The following THSD7B variants were observed in gnomAD, a reference collection of about 807,000 sequenced individuals.
The protein encoded by THSD7B is thrombospondin type-1 domain-containing protein 7B.
In THSD7B, 138 loss-of-function variants were observed where a neutral mutation model predicts 213.6. The observed-to-expected ratio is 0.65, with a 90% CI of 0.56 to 0.74. The LOEUF (loss-of-function observed/expected upper bound fraction) is 0.74, where lower values mean the gene tolerates loss of function less well. Ranked by LOEUF, THSD7B falls within the 30% of genes least tolerant of loss-of-function variation. THSD7B has a pLI of 0.00. For missense variants in THSD7B, 1,931 were observed against 1,991.5 expected (o/e 0.97, Z 0.58); for synonymous variants, 742 against 687.0 (o/e 1.08, Z -1.25).
At chr2:137,465,520 T>G (rs1201041620) in intron 15 of THSD7B, among the ~76,000 whole-genome samples, 6 of 152,096 alleles carry the variant, frequency 3.9e-5, no homozygotes, top group Non-Finnish European at 8.8e-5. Flanking sequence ...GACTGAGAAT[T>G]GCTGTCTAAG....
chr2:137,404,456 TATATATATATATATATATAC>T (rs1288985965), intron 12 of THSD7B, among the ~76,000 whole-genome samples: 11 of 107,670 alleles, frequency 1.0e-4, no homozygotes, highest in African/African-American at 3.9e-4. Flanking sequence ...TATATATATA[TATATATATATATATATATAC>T]ACACACACAC....
intron 4 of THSD7B, among the ~76,000 whole-genome samples, chr2:137,113,122 T>C (rs1688380123): frequency 6.6e-6 from 1 of 152,138 alleles, no homozygotes; most frequent in Non-Finnish European, 1.5e-5. Flanking sequence ...AAGTTCTTCT[T>C]TTGGGGAATC....
At chr2:137,130,359 T>C (rs1476816311) in intron 5 of THSD7B, among the ~76,000 whole-genome samples, 1 of 152,120 alleles carries the variant, frequency 6.6e-6, no homozygotes, top group African/African-American at 2.4e-5. Context: ...ATCCTTACTT[T>C]TCCCAAGCCT....
At chr2:137,461,290 G>A (rs1687878975) in intron 15 of THSD7B, among the ~76,000 whole-genome samples, 1 of 152,038 alleles carries the variant, frequency 6.6e-6, no homozygotes, top group Non-Finnish European at 1.5e-5. Context: ...TAAGCAATTG[G>A]CATTTCATCT....
chr2:136,970,507 G>T (rs1685388529), intron 2 of THSD7B, among the ~76,000 whole-genome samples: 1 of 151,840 alleles, frequency 6.6e-6, no homozygotes, highest in South Asian at 2.1e-4. Flanking sequence ...AAAAGAAAAA[G>T]AAGAGTATAA....
chr2:137,372,804 G>C (rs996093659), intron 12 of THSD7B, among the ~76,000 whole-genome samples: 44 of 151,232 alleles, frequency 2.9e-4, no homozygotes, highest in Admixed American at 2.3e-3. Context: ...CCATTAACTC[G>C]TCATTTAGCA....
chr2:137,672,494 A>G (rs59205118), intron 27 of THSD7B, among the ~76,000 whole-genome samples: 17,597 of 152,184 alleles, frequency 0.12, 1,802 homozygotes, highest in East Asian at 0.37. Flanking sequence ...TTTGTTTCAC[A>G]GGTAAAGTAA....
rs138335985 is a variant in THSD7B, at chr2:137,559,967, T to C, written c.3139-3254T>C. Among the ~76,000 whole-genome samples the C allele has an allele frequency of 5.8e-3, 879 of 152,292 alleles. 27 individuals are homozygous for C. Among genetic ancestry groups the C allele is most frequent in the Admixed American group, 0.055 (836 of 15,286 alleles). On this transcript the variant is annotated intron_variant, in intron 15 of 27. Transcript: ENST00000409968. ...CAAGAGACACATCAAAAAATGCTCA[T>C]CATCACTGGCCATCAGAGAAATGCA...
At chr2:136,826,840 T>C (rs1178957842) in intron 1 of THSD7B, among the ~76,000 whole-genome samples, 1 of 152,208 alleles carries the variant, frequency 6.6e-6, no homozygotes, top group Non-Finnish European at 1.5e-5. Flanking sequence ...TGACCAGTGA[T>C]GGAGAAGGAG....
chr2:137,232,183 AT>A (rs961130465), intron 8 of THSD7B, among the ~76,000 whole-genome samples: 65 of 152,306 alleles, frequency 4.3e-4, no homozygotes, highest in African/African-American at 1.5e-3. Flanking sequence ...GATGCTTTAG[AT>A]AAATACCACT....
chr2:137,675,425 T>G (rs1683677264), intron 27 of THSD7B, among the ~76,000 whole-genome samples: 1 of 133,548 alleles, frequency 7.5e-6, no homozygotes, highest in Non-Finnish European at 1.6e-5. Flanking sequence ...TATATATATA[T>G]ATATATATAT....
At chr2:136,933,669 CTA>C (rs1447967505) in intron 2 of THSD7B, among the ~76,000 whole-genome samples, 1 of 138,122 alleles carries the variant, frequency 7.2e-6, no homozygotes, top group African/African-American at 2.5e-5. Context: ...AATTGCATCG[CTA>C]TCTTTTTAAT....
At chr2:137,338,571 T>G (rs1377090271) in intron 12 of THSD7B, among the ~76,000 whole-genome samples, 1 of 152,122 alleles carries the variant, frequency 6.6e-6, no homozygotes, top group Non-Finnish European at 1.5e-5. Flanking sequence ...AAGGACATAT[T>G]CTTTAGTTTA....
At chr2:137,583,925 T>G (rs149082425) in intron 17 of THSD7B, among the ~76,000 whole-genome samples, 33,123 of 152,112 alleles carry the variant, frequency 0.22, 3,780 homozygotes, top group Middle Eastern at 0.32. Context: ...AAATTACCTT[T>G]GGCAGTATGG....
chr2:136,883,874 C>T (rs1683668871), intron 2 of THSD7B, among the ~76,000 whole-genome samples: 1 of 152,224 alleles, frequency 6.6e-6, no homozygotes, highest in South Asian at 2.1e-4. Flanking sequence ...TGTCACTTCT[C>T]CTGGTATTCA....
intron 3 of THSD7B, among the ~76,000 whole-genome samples, chr2:137,059,378 T>G (rs1418850038): frequency 6.6e-6 from 1 of 152,198 alleles, no homozygotes; most frequent in Non-Finnish European, 1.5e-5. Context: ...GATATATTAC[T>G]GTTAATAAAG....
At chr2:137,362,927 A>G (rs1685303425) in intron 12 of THSD7B, among the ~76,000 whole-genome samples, 1 of 152,226 alleles carries the variant, frequency 6.6e-6, no homozygotes, top group African/African-American at 2.4e-5. Context: ...AATCAACAGA[A>G]TACACATTCT....
intron 7 of THSD7B, among the ~76,000 whole-genome samples, chr2:137,222,908 A>T (rs4954485): frequency 6.6e-6 from 1 of 152,028 alleles, no homozygotes; most frequent in Admixed American, 6.5e-5. Flanking sequence ...TGGAGAAGAT[A>T]GTAGATAGTG....
chr2:137,338,942 C>T (rs1684699749), intron 12 of THSD7B, among the ~76,000 whole-genome samples: 3 of 151,984 alleles, frequency 2.0e-5, no homozygotes, highest in Non-Finnish European at 4.4e-5. Context: ...TTGTCTTTTG[C>T]ATGATTCCAT....
Sources: allele counts gnomAD v4.1 joint callset (sites outside exome capture counted in the v4.1 genomes callset), GRCh38; gene constraint gnomAD v4.1.1; transcripts MANE v1.5; gene names NCBI Gene and HGNC (gene_info 2026-07-23, HGNC 2026-07-21).